YWHAQ: variants seen among roughly 807,000 people sequenced by gnomAD.
YWHAQ encodes 14-3-3 protein theta.
Under a neutral mutation model 28.3 loss-of-function variants are expected in YWHAQ, and 6 were observed. The observed-to-expected ratio is 0.21, with a 90% CI of 0.12 to 0.42. YWHAQ has a LOEUF of 0.42. Ranked by LOEUF, YWHAQ falls within the 10% of genes least tolerant of loss-of-function variation. The pLI is 1.00. For missense variants in YWHAQ, 201 were observed against 305.6 expected (o/e 0.66, Z 2.55); for synonymous variants, 143 against 119.1 (o/e 1.20, Z -1.31).
chr2:9,601,836 C>T (rs899172485), intron 2 of YWHAQ, among the ~76,000 whole-genome samples: 2 of 152,048 alleles, frequency 1.3e-5, no homozygotes, highest in African/African-American at 4.8e-5. Context: ...TTTTAGCAGA[C>T]GGGGTTTTGC....
chr2:9,609,689 C>A (rs1666906930), intron 2 of YWHAQ, among the ~76,000 whole-genome samples: 1 of 152,044 alleles, frequency 6.6e-6, no homozygotes, highest in Non-Finnish European at 1.5e-5. Flanking sequence ...AAGGAAGAAA[C>A]AACAATATGA....
At chr2:9,597,660 GA>G (rs796972453) in intron 2 of YWHAQ, among the ~76,000 whole-genome samples, 59 of 142,006 alleles carry the variant, frequency 4.2e-4, no homozygotes, top group African/African-American at 1.2e-3. Context: ...AAAAGAAAAA[GA>G]AAAAAAAATT....
intron 2 of YWHAQ, among the ~76,000 whole-genome samples, chr2:9,602,177 G>A (rs551217527): frequency 2.0e-4 from 30 of 151,946 alleles, no homozygotes; most frequent in Admixed American, 1.3e-3. Context: ...CTAAAATTCC[G>A]GCACTTTGGG....
At position 9,585,249 on chromosome 2, in the gene YWHAQ, T is replaced by G. The variant is rs762224503; in HGVS notation, c.*37A>C. On this transcript the variant is annotated 3_prime_UTR_variant, in exon 6 of 6. Transcript: ENST00000238081. ...TAAGGAATGGAGATGTGTAAAAAGG[T>G]TTCTTGAAGGAAAGAAGGATGACAC... 3 of 1,612,300 alleles carry G rather than the reference T, an allele frequency of 1.9e-6. No individual in the cohort carries two copies. Among genetic ancestry groups the G allele is most frequent in the Non-Finnish European group, 2.5e-6 (3 of 1,179,006 alleles).
At chr2:9,595,425 C>A (rs1437006152) in intron 2 of YWHAQ, among the ~76,000 whole-genome samples, 1 of 152,144 alleles carries the variant, frequency 6.6e-6, no homozygotes, top group Non-Finnish European at 1.5e-5. Context: ...GGAGCGAGGG[C>A]CAGGTGCCGT....
chr2:9,611,104 G>T (rs1176803284), intron 2 of YWHAQ, among the ~76,000 whole-genome samples: 1 of 152,152 alleles, frequency 6.6e-6, no homozygotes, highest in Non-Finnish European at 1.5e-5. Context: ...TGAAAGAAAA[G>T]ATATTTTCTT....
At chr2:9,628,277 T>G (rs1667287587) in intron 2 of YWHAQ, among the ~76,000 whole-genome samples, 1 of 152,246 alleles carries the variant, frequency 6.6e-6, no homozygotes, top group African/African-American at 2.4e-5. Flanking sequence ...CTATGTCTTC[T>G]CAGTATATAA....
At chr2:9,623,745 C>G (rs1667191139) in intron 2 of YWHAQ, among the ~76,000 whole-genome samples, 1 of 152,054 alleles carries the variant, frequency 6.6e-6, no homozygotes, top group Admixed American at 6.5e-5. Context: ...GCACTCTAGC[C>G]TGGGCAACAA....
chr2:9,596,865 G>C (rs989600118), intron 2 of YWHAQ, among the ~76,000 whole-genome samples: 1 of 152,114 alleles, frequency 6.6e-6, no homozygotes, highest in African/African-American at 2.4e-5. Flanking sequence ...GGCTGGTCTC[G>C]AACTCCTGAC....
At chr2:9,616,331 C>G (rs148296747) in intron 2 of YWHAQ, among the ~76,000 whole-genome samples, 2 of 151,734 alleles carry the variant, frequency 1.3e-5, no homozygotes, top group Non-Finnish European at 2.9e-5. Context: ...GGACTAAAGA[C>G]CTAAACACAG....
chr2:9,585,670 G>A (rs1311979829), intron 5 of YWHAQ, among the ~76,000 whole-genome samples: 15 of 152,140 alleles, frequency 9.9e-5, no homozygotes, highest in Admixed American at 9.8e-4. Context: ...CACGTAGGGA[G>A]GCCAAGATGA....
In YWHAQ at chr2:9,598,011, T is replaced by TTTTTTTTTG. The variant is rs1397521514; in HGVS notation, c.295-6497_295-6496insCAAAAAAAA. ...TTTTTTTTTTTTTTTTTTTTTTTTT[T>TTTTTTTTTG]TTAGTAGAGACAAGGTTTCTCCATG... On this transcript the variant is annotated intron_variant, in intron 2 of 5. Transcript: ENST00000238081. Among the ~76,000 whole-genome samples the TTTTTTTTTG allele has an allele frequency of 4.9e-3, 669 of 137,180 alleles. 22 individuals carry two copies. Among genetic ancestry groups the TTTTTTTTTG allele is most frequent in the Non-Finnish European group, 7.5e-3 (471 of 62,502 alleles). The allele number at this position is 137,180 out of a possible 152,430, so 90.0% of individuals were successfully genotyped here. A position where few individuals can be genotyped will look rare whatever the true frequency, so the allele number is the denominator to read the frequency against.
At chr2:9,626,623 G>A (rs991637617) in intron 2 of YWHAQ, among the ~76,000 whole-genome samples, 1 of 152,198 alleles carries the variant, frequency 6.6e-6, no homozygotes, top group African/African-American at 2.4e-5. Context: ...TAGAGACGGG[G>A]TTTCACCATG....
chr2:9,620,973 G>T (rs927723822), intron 2 of YWHAQ, among the ~76,000 whole-genome samples: 4 of 152,142 alleles, frequency 2.6e-5, no homozygotes, highest in Non-Finnish European at 5.9e-5. Flanking sequence ...ACCCCTAGAG[G>T]TCTCCCCTAT....
intron 2 of YWHAQ, among the ~76,000 whole-genome samples, chr2:9,627,393 G>A (rs1451894020): frequency 4.6e-5 from 7 of 152,242 alleles, no homozygotes; most frequent in South Asian, 2.1e-4. Flanking sequence ...ATGTTAGCAC[G>A]CATGTTCAAA....
intron 2 of YWHAQ, among the ~76,000 whole-genome samples, chr2:9,610,394 G>A (rs1244416348): frequency 6.6e-6 from 1 of 152,162 alleles, no homozygotes; most frequent in Non-Finnish European, 1.5e-5. Context: ...CACAAACTCT[G>A]CTTGGTACAT....
intron 2 of YWHAQ, among the ~76,000 whole-genome samples, chr2:9,618,257 T>C (rs1041812363): frequency 2.0e-5 from 3 of 152,238 alleles, no homozygotes; most frequent in East Asian, 1.9e-4. Context: ...ATTTGAATTA[T>C]ATTTAATTTT....
rs1199600016 is a variant in YWHAQ at position 9,586,345 on chromosome 2, CA to C, written c.679-1001del. On this transcript the variant is annotated intron_variant, in intron 5 of 5. Transcript: ENST00000238081. ...CTATAATTGCACTTTATTAGACCAA[CA>C]GCAAGACATTAGTGTTAATTTCAGA... Among the ~76,000 whole-genome samples, 5 of 152,294 alleles carry C rather than the reference CA, an allele frequency of 3.3e-5. No individual in the cohort carries two copies. The East Asian group carries it at 5.8e-4, about 18-fold the overall frequency.
rs138218798 is a variant in YWHAQ at position 9,591,056 on chromosome 2, T to C, written c.418+336A>G. Among the ~76,000 whole-genome samples, 377 of 152,316 alleles carry C rather than the reference T, an allele frequency of 2.5e-3. 1 individual carries two copies. The highest frequency in any genetic ancestry group is 0.014 in the Middle Eastern group (4 of 294). On this transcript the variant is annotated intron_variant, in intron 3 of 5. Transcript: ENST00000238081. ...GGCATAATAGAAAGGCCATGTGAAATGCAGAATCACTCATAAAGTTTACAC... is the reference window on the plus strand; with the variant it reads ...GGCATAATAGAAAGGCCATGTGAAACGCAGAATCACTCATAAAGTTTACAC...
Sources: allele counts gnomAD v4.1 joint callset (sites outside exome capture counted in the v4.1 genomes callset), GRCh38; gene constraint gnomAD v4.1.1; transcripts MANE v1.5; gene names NCBI Gene and HGNC (gene_info 2026-07-23, HGNC 2026-07-21).